FAM184B: variants seen among roughly 807,000 people sequenced by gnomAD.
The protein encoded by FAM184B is family with sequence similarity 184 member B.
In FAM184B, 111 loss-of-function variants were observed where a neutral mutation model predicts 135.9. The ratio of observed to expected loss-of-function variants is 0.82; its 90% CI spans 0.70 to 0.96. FAM184B has a LOEUF of 0.96. Ranked by LOEUF, FAM184B falls within the 40% of genes least tolerant of loss-of-function variation. FAM184B has a pLI of 0.00. For synonymous variants in FAM184B, 552 were observed against 524.8 expected (o/e 1.05, Z -0.71); for missense variants, 1,375 against 1,323.9 (o/e 1.04, Z -0.60).
chr4:17,723,870 C>G (rs971480118), intron 1 of FAM184B, among the ~76,000 whole-genome samples: 2 of 152,176 alleles, frequency 1.3e-5, no homozygotes, highest in East Asian at 3.9e-4. Context: ...AGCGTGCCTG[C>G]CACCACATGA....
chr4:17,673,618 C>A (rs1304813967), intron 7 of FAM184B, among the ~76,000 whole-genome samples: 2 of 152,032 alleles, frequency 1.3e-5, no homozygotes, highest in African/African-American at 4.8e-5. Flanking sequence ...TTCACAGTGA[C>A]CTGGATGAGA....
chr4:17,733,964 T>C (rs1717849145), intron 1 of FAM184B, among the ~76,000 whole-genome samples: 1 of 152,162 alleles, frequency 6.6e-6, no homozygotes, highest in Non-Finnish European at 1.5e-5. Flanking sequence ...AACAGCATGG[T>C]ACTGGTACCA....
chr4:17,707,886 C>T (rs568435566), intron 2 of FAM184B, 102 bp from the exon 3 acceptor site: 505 of 1,320,418 alleles, frequency 3.8e-4, no homozygotes, highest in Non-Finnish European at 5.1e-4. Context: ...GGTATATGCA[C>T]AGCAGAAGCC....
chr4:17,774,214 C>CA (rs953336243), intron 1 of FAM184B, among the ~76,000 whole-genome samples: 4 of 151,932 alleles, frequency 2.6e-5, no homozygotes, highest in Non-Finnish European at 5.9e-5. Context: ...TCGTCTCTAC[C>CA]AAAAAAAGCC....
At chr4:17,635,412 A>G (rs1210533052) in intron 15 of FAM184B, among the ~76,000 whole-genome samples, 1 of 152,212 alleles carries the variant, frequency 6.6e-6, no homozygotes, top group African/African-American at 2.4e-5. Context: ...AGGCAAAGAA[A>G]GAAAACCCCC....
Position 17,632,492 on chromosome 4 carries a change from G to A in FAM184B, c.*40C>T. ...TTCAATCGGATGATTTAAAATAAAT[G>A]TTTTTCAAGTATCCTCTGTGATGTA... On this transcript the variant is annotated 3_prime_UTR_variant, in exon 18 of 18. Coordinates refer to ENST00000265018, the MANE Select transcript of FAM184B (RefSeq NM_015688.2). The A allele has an allele frequency of 7.0e-7, 1 of 1,426,484 alleles. No homozygotes were observed. The highest frequency in any genetic ancestry group is 2.2e-5 in the Admixed American group (1 of 45,016). The allele number at this position is 1,426,484 out of a possible 1,614,324, so 88.4% of individuals were successfully genotyped here. A position where few individuals can be genotyped will look rare whatever the true frequency, so the allele number is the denominator to read the frequency against.
chr4:17,707,318 T>C (rs182516492), intron 3 of FAM184B, among the ~76,000 whole-genome samples: 122 of 152,272 alleles, frequency 8.0e-4, no homozygotes, highest in Non-Finnish European at 1.2e-3. Context: ...GTTAAAAGCA[T>C]AAAGCATTGT....
chr4:17,739,555 G>GTTTTTTTTTTTTTTTTTTTTTTTTTTTTT (rs397992408), intron 1 of FAM184B, among the ~76,000 whole-genome samples: 1 of 62,510 alleles, frequency 1.6e-5, no homozygotes, highest in Non-Finnish European at 2.7e-5. Flanking sequence ...CATACCAACT[G>GTTTTTTTTTTTTTTTTTTTTTTTTTTTTT]TTTTTTTTTT....
At chr4:17,635,572 T>C (rs1241220808) in intron 15 of FAM184B, among the ~76,000 whole-genome samples, 1 of 152,150 alleles carries the variant, frequency 6.6e-6, no homozygotes, top group Non-Finnish European at 1.5e-5. Context: ...TGTATCATTT[T>C]CCACTTTTTT....
chr4:17,675,682 C>G (rs2315560), intron 7 of FAM184B, among the ~76,000 whole-genome samples: 80,711 of 152,084 alleles, frequency 0.53, 23,529 homozygotes, highest in East Asian at 0.82. Context: ...CCGTTTTCAT[C>G]AATGATCTTA....
In FAM184B at chr4:17,632,620, G is replaced by A. The variant is rs2108923959; in HGVS notation, c.3095C>T (p.Pro1032Leu). 6.5e-6 allele frequency: 10 copies of A among 1,540,534 alleles called. No homozygotes were observed. Among genetic ancestry groups the A allele is most frequent in the Non-Finnish European group, 8.8e-6 (10 of 1,142,582 alleles). ...TTTGGCTTGGGCCGTTTCACCATCT[G>A]GGGTCCTAAAAGCAAAAAAAGGTTT... ...STDAKTATRT[P>L]DGETAQAKEV... The change falls in exon 18 of 18, where the codon CCA (proline) becomes CTA (leucine). Residue 1032 changes from proline (P) to leucine (L), a missense_variant. Transcript: ENST00000265018.
At chr4:17,638,651 G>A (rs889544654) in intron 14 of FAM184B, among the ~76,000 whole-genome samples, 3 of 152,166 alleles carry the variant, frequency 2.0e-5, no homozygotes, top group Non-Finnish European at 2.9e-5. Flanking sequence ...ATGAATAAAT[G>A]CAATATGTTT....
At chr4:17,687,904 G>T (rs1427067535) in intron 7 of FAM184B, among the ~76,000 whole-genome samples, 1 of 152,110 alleles carries the variant, frequency 6.6e-6, no homozygotes, top group Non-Finnish European at 1.5e-5. Context: ...ATGGTCATTC[G>T]TTATGGTGAT....
chr4:17,669,236 G>T (rs1305804116), intron 7 of FAM184B, among the ~76,000 whole-genome samples: 1 of 152,114 alleles, frequency 6.6e-6, no homozygotes, highest in Non-Finnish European at 1.5e-5. Context: ...GAGGCTAAAA[G>T]GTCCTCCTGT....
chr4:17,763,079 T>A (rs980807460), intron 1 of FAM184B, among the ~76,000 whole-genome samples: 2 of 152,178 alleles, frequency 1.3e-5, no homozygotes, highest in African/African-American at 4.8e-5. Flanking sequence ...GGATGTTCAT[T>A]TCTTAGTGCC....
At position 17,630,030 on chromosome 4, in the gene FAM184B, T is replaced by C. The variant is rs972799962; in HGVS notation, c.*2502A>G. On this transcript the variant is annotated 3_prime_UTR_variant, in exon 18 of 18. Transcript: ENST00000265018. ...ATCATTGCAGGGTAGAATTTAGAAA[T>C]TTAAGACTGAAAGATCTTTTCAGTC... is the stretch of plus-strand genomic sequence containing the variant. 2 of 152,168 alleles carry C rather than the reference T, an allele frequency of 1.3e-5. No homozygotes were observed. The highest frequency in any genetic ancestry group is 2.9e-5 in the Non-Finnish European group (2 of 68,030). 9.4% of individuals were successfully genotyped at this position (152,168 alleles called of 1,614,324 possible). A position where few individuals can be genotyped will look rare whatever the true frequency, so the allele number is the denominator to read the frequency against.
At chr4:17,684,887 T>C (rs1010745193) in intron 7 of FAM184B, among the ~76,000 whole-genome samples, 1 of 152,106 alleles carries the variant, frequency 6.6e-6, no homozygotes, top group Non-Finnish European at 1.5e-5. Flanking sequence ...GATATGTCCT[T>C]TGCAGGGACA....
chr4:17,765,125 G>C (rs1195978060), intron 1 of FAM184B, among the ~76,000 whole-genome samples: 1 of 152,192 alleles, frequency 6.6e-6, no homozygotes, highest in Non-Finnish European at 1.5e-5. Context: ...TGCTCCCATG[G>C]AGTTCTAGTA....
At chr4:17,635,859 G>A (rs895856398) in intron 15 of FAM184B, among the ~76,000 whole-genome samples, 2 of 152,144 alleles carry the variant, frequency 1.3e-5, no homozygotes, top group African/African-American at 4.8e-5. Context: ...TTTCCAAGGG[G>A]CTTAGGGAGT....
Sources: gnomAD v4.1 joint callset for allele counts (sites outside exome capture counted in the v4.1 genomes callset) on GRCh38, gnomAD v4.1.1 for gene constraint, MANE v1.5 for transcripts, NCBI Gene and HGNC (gene_info 2026-07-23, HGNC 2026-07-21) for gene names.